Variants in WIPI2 observed in about 807,000 individuals in gnomAD.
WIPI2 encodes the protein WD repeat domain phosphoinositide-interacting protein 2.
Under a neutral mutation model 52.3 loss-of-function variants are expected in WIPI2, and 28 were observed. The ratio of observed to expected loss-of-function variants is 0.54; its 90% CI spans 0.40 to 0.73. WIPI2 has a LOEUF of 0.73. WIPI2 is among the 30% of genes least tolerant of loss of function. WIPI2 has a pLI of 0.00. For missense variants in WIPI2, 506 were observed against 602.9 expected (o/e 0.84, Z 1.68); for synonymous variants, 268 against 245.0 (o/e 1.09, Z -0.88).
At chr7:5,201,276 T>C (rs1255146268) in intron 3 of WIPI2, among the ~76,000 whole-genome samples, 1 of 152,246 alleles carries the variant, frequency 6.6e-6, no homozygotes. Flanking sequence ...GTCATCTGTT[T>C]TGAAATGCAC....
At chr7:5,214,749 C>G (rs1164639971) in intron 4 of WIPI2, 45 bp downstream of exon 4, 6 of 1,603,620 alleles carry the variant, frequency 3.7e-6, no homozygotes, top group Non-Finnish European at 5.1e-6. Flanking sequence ...GTTGCTCCCT[C>G]CAGCACTCTG....
Position 5,199,647 on chromosome 7 carries a change from T to C in WIPI2, c.200T>C (p.Ile67Thr). ...SLSSVDKLEQ[I>T]YECTDTEDVC... ...TCTTCTGTGGATAAGCTGGAACAGA[T>C]CTATGAATGCAGTAAGTGTTTGCTT... The change falls in exon 3 of 13, where the codon ATC (isoleucine) becomes ACC (threonine). Residue 67 changes from isoleucine (I) to threonine (T), a missense_variant. Physicochemically the swap from Ile to Thr is moderately conservative, Grantham distance 89. Around this residue, in one of 4 missense-constraint regions of WIPI2, gnomAD observed 237 missense variants for 346.9 expected, o/e 0.68. Coordinates refer to ENST00000288828, the MANE Select transcript of WIPI2 (RefSeq NM_015610.4). 6.2e-7 allele frequency: 1 copy of C among 1,607,126 alleles called. No homozygotes were observed. The highest frequency in any genetic ancestry group is 8.5e-7 in the Non-Finnish European group (1 of 1,178,202).
intron 3 of WIPI2, among the ~76,000 whole-genome samples, chr7:5,200,418 C>T (rs537497450): frequency 6.6e-6 from 1 of 152,312 alleles, no homozygotes; most frequent in South Asian, 2.1e-4. Context: ...ATCCTTTACC[C>T]TGTTCTTCCC....
rs1783712384 is a variant in WIPI2 at position 5,231,288 on chromosome 7, G to A, written c.*341G>A. On this transcript the variant is annotated 3_prime_UTR_variant, in exon 13 of 13. Coordinates refer to ENST00000288828, the MANE Select transcript of WIPI2 (RefSeq NM_015610.4). ...TAGGGGAGCTAGAAGCCACTTTCCA[G>A]CCACCTGCCGTTGGGTTTTTTCATA... is the stretch of plus-strand genomic sequence containing the variant. 4.7e-6 allele frequency: 1 copy of A among 210,784 alleles called. No individual in the cohort carries two copies. Among genetic ancestry groups the A allele is most frequent in the African/African-American group, 2.3e-5 (1 of 43,254 alleles). The allele number at this position is 210,784 out of a possible 1,614,324, so 13.1% of individuals were successfully genotyped here.
At chr7:5,206,222 T>G (rs1782289767) in intron 3 of WIPI2, among the ~76,000 whole-genome samples, 1 of 152,176 alleles carries the variant, frequency 6.6e-6, no homozygotes, top group Non-Finnish European at 1.5e-5. Flanking sequence ...GTATTGGATG[T>G]AAGGAATCCC....
In WIPI2 at chr7:5,204,223, T is replaced by A. The variant is rs182424977; in HGVS notation, c.211+4565T>A. 4.0e-4 allele frequency among the ~76,000 whole-genome samples: 61 copies of A among 152,188 alleles called. 1 individual carries two copies. Among genetic ancestry groups the A allele is most frequent in the Middle Eastern group, 3.4e-3 (1 of 294 alleles). ...GGCTCACGCCTGTTATCCCAACACT[T>A]TGGGAGGCCGAGGCGGGTGGATCAC... On this transcript the variant is annotated intron_variant, in intron 3 of 12. Transcript: ENST00000288828.
intron 3 of WIPI2, among the ~76,000 whole-genome samples, chr7:5,209,302 A>G (rs922451032): frequency 1.3e-5 from 2 of 152,052 alleles, no homozygotes; most frequent in African/African-American, 4.8e-5. Context: ...TTCTTGCCTC[A>G]CTGCAACGTG....
At chr7:5,194,804 GA>G (rs1370010820) in intron 2 of WIPI2, among the ~76,000 whole-genome samples, 1 of 152,116 alleles carries the variant, frequency 6.6e-6, no homozygotes, top group African/African-American at 2.4e-5. Context: ...TCATACGATA[GA>G]AAGAATGAGA....
rs556890924 is a variant in WIPI2, at chr7:5,228,192, G to T, written c.1102G>T (p.Ala368Ser). ...GGACCCCCAGGAGGGCGGCGAGTGT[G>T]CCCTGATGAAGCAGCACCGGTGAGT... ...NLDPQEGGECALMKQHRLDGS... is the reference protein window; with the variant it reads ...NLDPQEGGECSLMKQHRLDGS... The change falls in exon 11 of 13, where the codon GCC becomes TCC. Residue 368 changes from alanine (A) to serine (S), a missense_variant. Ala to Ser is a moderately conservative substitution (Grantham distance 99, BLOSUM62 1). Coordinates refer to ENST00000288828, the MANE Select transcript of WIPI2 (RefSeq NM_015610.4). 2.9e-5 allele frequency: 46 copies of T among 1,613,244 alleles called. No individual in the cohort carries two copies. Among genetic ancestry groups the T allele is most frequent in the Non-Finnish European group, 3.8e-5 (45 of 1,179,908 alleles).
chr7:5,217,676 G>A (rs1005798511), intron 6 of WIPI2: 1 of 511,926 alleles, frequency 2.0e-6, no homozygotes, highest in African/African-American at 1.9e-5. Flanking sequence ...GCAGTGCTGA[G>A]CTCCTCGCCA....
chr7:5,217,031 A>G, intron 5 of WIPI2, 59 bp from the exon 6 acceptor site: 1 of 1,499,644 alleles, frequency 6.7e-7, no homozygotes, highest in Non-Finnish European at 9.2e-7. Flanking sequence ...TATGTCTGAC[A>G]TCCAAGAAGG....
intron 3 of WIPI2, among the ~76,000 whole-genome samples, chr7:5,204,146 C>T (rs932823327): frequency 1.4e-4 from 21 of 152,104 alleles, no homozygotes; most frequent in African/African-American, 3.9e-4. Context: ...TCTGGGTATG[C>T]GGGTTCCATG....
At chr7:5,225,762 G>T in intron 8 of WIPI2, 61 bp from the exon 9 acceptor site, 1 of 1,281,842 alleles carries the variant, frequency 7.8e-7, no homozygotes, top group Non-Finnish European at 1.1e-6. Context: ...CGCCACTTGA[G>T]TTGAACCCCT....
intron 3 of WIPI2, among the ~76,000 whole-genome samples, chr7:5,212,196 G>T (rs959971208): frequency 2.6e-5 from 4 of 152,126 alleles, no homozygotes; most frequent in Non-Finnish European, 5.9e-5. Flanking sequence ...TTAGACCTGG[G>T]GGTGGTGCAG....
intron 12 of WIPI2, among the ~76,000 whole-genome samples, 184 bp downstream of exon 12, chr7:5,229,922 T>C (rs111716369): frequency 2.0e-5 from 3 of 146,722 alleles, no homozygotes; most frequent in Admixed American, 7.3e-5. Flanking sequence ...GAATTCAGTT[T>C]CGTTTCCTTT....
In WIPI2 at chr7:5,230,062, C is replaced by T. The variant is rs1039168662; in HGVS notation, c.1252+324C>T. Reference sequence around the variant, plus strand: ...TGCTGGGATTATAGGCATGAGCCACCGTACCAGGCTCATTTTCTCCGTTTT... The same window carrying T: ...TGCTGGGATTATAGGCATGAGCCACTGTACCAGGCTCATTTTCTCCGTTTT... On this transcript the variant is annotated intron_variant, in intron 12 of 12. Transcript: ENST00000288828. The surrounding 1 kb of genome is among the most constrained non-coding windows in gnomAD (Gnocchi z 4.8). 3.9e-5 allele frequency among the ~76,000 whole-genome samples: 6 copies of T among 151,956 alleles called. No homozygotes were observed. The highest frequency in any genetic ancestry group is 7.4e-5 in the Non-Finnish European group (5 of 67,998).
At chr7:5,213,648 A>G (rs913763691) in intron 3 of WIPI2, among the ~76,000 whole-genome samples, 2 of 148,632 alleles carry the variant, frequency 1.3e-5, no homozygotes, top group Non-Finnish European at 1.5e-5. Context: ...ACAATTGCCT[A>G]CGGGGCTTTT....
At chr7:5,207,501 A>G (rs191687032) in intron 3 of WIPI2, among the ~76,000 whole-genome samples, 1 of 152,328 alleles carries the variant, frequency 6.6e-6, no homozygotes, top group Non-Finnish European at 1.5e-5. Context: ...GTATGTGAAT[A>G]TATGACAGTT....
chr7:5,194,219 G>T (rs1397592179), intron 2 of WIPI2, among the ~76,000 whole-genome samples: 2 of 152,134 alleles, frequency 1.3e-5, no homozygotes, highest in African/African-American at 2.4e-5. Context: ...GAGGGGGAGC[G>T]GGGATGGGGG....
Sources: gnomAD v4.1 joint callset for allele counts (sites outside exome capture counted in the v4.1 genomes callset) on GRCh38, gnomAD v4.1.1 for gene constraint, gnomAD v4.1.1 regional missense constraint, Gnocchi (gnomAD v3.1) non-coding constraint, MANE v1.5 for transcripts, NCBI Gene and HGNC (gene_info 2026-07-23, HGNC 2026-07-21) for gene names.